CDH13: variants seen among roughly 807,000 people sequenced by gnomAD.
CDH13 encodes cadherin 13.
Under a neutral mutation model 63.8 loss-of-function variants are expected in CDH13, and 24 were observed. The observed-to-expected ratio is 0.38, with a 90% CI of 0.27 to 0.53. The LOEUF (loss-of-function observed/expected upper bound fraction) is 0.53. Ranked by LOEUF, CDH13 falls within the 20% of genes least tolerant of loss-of-function variation. The pLI is 0.85. For missense variants in CDH13, 1,049 were observed against 903.1 expected (o/e 1.16, Z -2.07); for synonymous variants, 503 against 355.3 (o/e 1.42, Z -4.67).
At chr16:83,574,781 T>C (rs1325719712) in intron 7 of CDH13, among the ~76,000 whole-genome samples, 1 of 152,156 alleles carries the variant, frequency 6.6e-6, no homozygotes, top group East Asian at 1.9e-4. Flanking sequence ...AACAAGAATT[T>C]CACATACAAC....
chr16:83,313,529 C>T (rs1039795579), intron 5 of CDH13, among the ~76,000 whole-genome samples: 1 of 151,580 alleles, frequency 6.6e-6, no homozygotes, highest in Non-Finnish European at 1.5e-5. Context: ...GTGTGTCTGC[C>T]ATTTTTAGAG....
At chr16:82,737,736 T>G (rs1162131470) in intron 1 of CDH13, among the ~76,000 whole-genome samples, 1 of 152,194 alleles carries the variant, frequency 6.6e-6, no homozygotes, top group African/African-American at 2.4e-5. Flanking sequence ...TTTTTTCTCC[T>G]TTTCCTCTTC....
In CDH13 at chr16:83,751,470, A is replaced by G. The variant is rs1004329395; in HGVS notation, c.1681+3220A>G. On this transcript the variant is annotated intron_variant, in intron 11 of 13. Transcript: ENST00000567109. Reference sequence around the variant, plus strand: ...TACCTCCCCTCCACAAAAAAGAAAGATACATCCTATAGCAGCATAGAAAAT... The same window carrying G: ...TACCTCCCCTCCACAAAAAAGAAAGGTACATCCTATAGCAGCATAGAAAAT... Among the ~76,000 whole-genome samples the G allele has an allele frequency of 2.0e-5, 3 of 152,046 alleles. No individual in the cohort carries two copies. The East Asian group carries it at 5.8e-4, about 29-fold the overall frequency.
chr16:82,937,479 A>G (rs1299741044), intron 2 of CDH13, among the ~76,000 whole-genome samples: 2 of 152,106 alleles, frequency 1.3e-5, no homozygotes, highest in Non-Finnish European at 1.5e-5. Flanking sequence ...TGAATCACGA[A>G]TTCCGTGAGA....
intron 6 of CDH13, among the ~76,000 whole-genome samples, chr16:83,348,334 A>G (rs1284923363): frequency 6.6e-6 from 1 of 152,214 alleles, no homozygotes; most frequent in Non-Finnish European, 1.5e-5. Context: ...TCCTCACAGA[A>G]AATGACTAGT....
chr16:83,744,366 G>C (rs1264568635), intron 10 of CDH13, among the ~76,000 whole-genome samples: 1 of 152,218 alleles, frequency 6.6e-6, no homozygotes, highest in African/African-American at 2.4e-5. Flanking sequence ...AAATTTGCCA[G>C]GTGGAAGCAT....
At position 83,602,347 on chromosome 16, in the gene CDH13, T is replaced by C. The variant is rs1291140619; in HGVS notation, c.961-107T>C. 3 of 1,061,708 alleles carry C rather than the reference T, an allele frequency of 2.8e-6. No homozygotes were observed. The African/African-American group carries it at 4.7e-5, about 17-fold the overall frequency. The allele number at this position is 1,061,708 out of a possible 1,614,324, so 65.8% of individuals were successfully genotyped here. On this transcript the variant is annotated intron_variant, in intron 7 of 13. Transcript: ENST00000567109. ...TATCACTCTTTAAAGATGCCTACCC[T>C]AGATGGAGGAGGGGGAGAGACAGCT...
At chr16:83,690,415 C>T (rs1240157080) in intron 10 of CDH13, among the ~76,000 whole-genome samples, 2 of 152,178 alleles carry the variant, frequency 1.3e-5, no homozygotes, top group East Asian at 3.9e-4. Flanking sequence ...CACAGCTATC[C>T]CGGGTGGAGA....
chr16:83,503,665 C>T (rs1434577530), intron 7 of CDH13, among the ~76,000 whole-genome samples: 1 of 152,108 alleles, frequency 6.6e-6, no homozygotes, highest in Admixed American at 6.5e-5. Context: ...AGCTTTTTTC[C>T]AAATGTTTTT....
chr16:83,578,243 T>C (rs753376758), intron 7 of CDH13, among the ~76,000 whole-genome samples: 18 of 152,216 alleles, frequency 1.2e-4, no homozygotes, highest in South Asian at 2.1e-4. Context: ...CTAGTCATTC[T>C]TGACTTGCTC....
At chr16:83,455,285 C>A (rs1000158905) in intron 6 of CDH13, among the ~76,000 whole-genome samples, 1 of 152,120 alleles carries the variant, frequency 6.6e-6, no homozygotes, top group African/African-American at 2.4e-5. Flanking sequence ...TCACTAACCC[C>A]CTCTAAACCT....
rs1904276905 is a variant in CDH13 at position 83,795,547 on chromosome 16, A to T, written c.*517A>T. ...GGCCTCCCGCATCAAGGTCAGCATG[A>T]GGACAGACCACAGAGCTGTCACTTT... On this transcript the variant is annotated 3_prime_UTR_variant, in exon 14 of 14. Coordinates refer to ENST00000567109, the MANE Select transcript of CDH13 (RefSeq NM_001257.5). The T allele has an allele frequency of 6.5e-6, 1 of 154,302 alleles. No individual in the cohort carries two copies. Among genetic ancestry groups the T allele is most frequent in the Non-Finnish European group, 1.4e-5 (1 of 69,476 alleles). The allele number at this position is 154,302 out of a possible 1,614,324, so 9.6% of individuals were successfully genotyped here. A position where few individuals can be genotyped will look rare whatever the true frequency, so the allele number is the denominator to read the frequency against.
chr16:83,373,675 A>G (rs2091412611), intron 6 of CDH13, among the ~76,000 whole-genome samples: 1 of 152,236 alleles, frequency 6.6e-6, no homozygotes, highest in South Asian at 2.1e-4. Flanking sequence ...GATATAACAC[A>G]GTGGTTAAGA....
intron 2 of CDH13, among the ~76,000 whole-genome samples, chr16:82,905,862 A>G (rs1365644602): frequency 2.0e-5 from 3 of 152,196 alleles, no homozygotes; most frequent in Non-Finnish European, 2.9e-5. Context: ...GTAACCACAC[A>G]TGGCTACTGG....
At chr16:83,238,109 C>A (rs35114888) in intron 5 of CDH13, among the ~76,000 whole-genome samples, 150,801 of 152,242 alleles carry the variant, frequency 0.99, 74,708 homozygotes, top group Middle Eastern at 1. Context: ...GAGTGGATCC[C>A]TTTTTCCTAC....
At chr16:83,622,194 C>T (rs996519073) in intron 8 of CDH13, among the ~76,000 whole-genome samples, 4 of 152,140 alleles carry the variant, frequency 2.6e-5, no homozygotes, top group Non-Finnish European at 5.9e-5. Context: ...TTATTGTGCC[C>T]ATTTCACAGA....
chr16:82,909,463 A>G lies in CDH13; in HGVS notation c.157+50990A>G, dbSNP rs140235768. ...AACTATTCTTTGGTACGGACATTGT[A>G]TTAGTCTGTTCTCATGCTGCTGATA... On this transcript the variant is annotated intron_variant, in intron 2 of 13. Transcript: ENST00000567109. Among the ~76,000 whole-genome samples the G allele has an allele frequency of 1.4e-4, 21 of 152,050 alleles. No homozygotes were observed. In the East Asian group the frequency reaches 4.0e-3, roughly 29 times the overall value.
intron 4 of CDH13, among the ~76,000 whole-genome samples, chr16:83,139,458 A>T (rs1356796000): frequency 1.3e-5 from 2 of 152,096 alleles, no homozygotes; most frequent in African/African-American, 4.8e-5. Context: ...TTGAATGCTG[A>T]TGTTGGCTAT....
chr16:83,557,176 C>T (rs576503366), intron 7 of CDH13, among the ~76,000 whole-genome samples: 8 of 152,238 alleles, frequency 5.3e-5, no homozygotes, highest in African/African-American at 1.2e-4. Context: ...CTAGGTTGTA[C>T]GCTAGTTATG....
Sources: gnomAD v4.1 joint callset for allele counts (sites outside exome capture counted in the v4.1 genomes callset) on GRCh38, gnomAD v4.1.1 for gene constraint, MANE v1.5 for transcripts, NCBI Gene and HGNC (gene_info 2026-07-23, HGNC 2026-07-21) for gene names.